The following ELAVL2 variants were observed in gnomAD, a reference collection of about 807,000 sequenced individuals.
ELAVL2 encodes ELAV-like protein 2.
Under a neutral mutation model 34.6 loss-of-function variants are expected in ELAVL2, and 4 were observed. The observed-to-expected ratio is 0.12, with a 90% confidence interval of 0.06 to 0.26. The LOEUF is 0.26. Among genes scored for constraint, ELAVL2 ranks in the 10% least tolerant of loss-of-function variants. The probability of loss-of-function intolerance (pLI) is 1.00; values close to 1 mark genes in which losing one functional copy is unlikely to be tolerated. For synonymous variants in ELAVL2, 193 were observed against 154.8 expected (o/e 1.25, Z -1.83); for missense variants, 432 against 442.8 (o/e 0.98, Z 0.22).
At chr9:23,754,495 C>A (rs749327272) in intron 2 of ELAVL2, among the ~76,000 whole-genome samples, 1 of 151,850 alleles carries the variant, frequency 6.6e-6, no homozygotes, top group Non-Finnish European at 1.5e-5. Flanking sequence ...CTCTGTCACA[C>A]AGGCTGAAAT....
At chr9:23,764,912 T>C in intron 1 of ELAVL2, 3 of 1,201,628 alleles carry the variant, frequency 2.5e-6, no homozygotes, top group South Asian at 1.3e-5. Flanking sequence ...ATAATTAGTA[T>C]GCCAAATGAA....
intron 1 of ELAVL2, among the ~76,000 whole-genome samples, chr9:23,813,538 T>C (rs1048507560): frequency 6.6e-6 from 1 of 152,030 alleles, no homozygotes; most frequent in African/African-American, 2.4e-5. Context: ...CCTATCAGTT[T>C]TTACAGCATC....
At chr9:23,802,565 G>C (rs1298037612) in intron 1 of ELAVL2, among the ~76,000 whole-genome samples, 1 of 152,178 alleles carries the variant, frequency 6.6e-6, no homozygotes, top group Non-Finnish European at 1.5e-5. Context: ...TTAAGACTCA[G>C]ATGGGCCTAG....
At position 23,702,954 on chromosome 9, in the gene ELAVL2, A is replaced by C. The variant is rs1457726299; in HGVS notation, c.488-1350T>G. ...CATTAGAAAAGCATCAGATTAGCAAAAAAAAAAAAAAAAAAAAAAAAAAAA... is the reference window on the plus strand; with the variant it reads ...CATTAGAAAAGCATCAGATTAGCAACAAAAAAAAAAAAAAAAAAAAAAAAA... On this transcript the variant is annotated intron_variant, in intron 4 of 6. Transcript: ENST00000397312. 5.2e-5 allele frequency among the ~76,000 whole-genome samples: 3 copies of C among 57,358 alleles called. No homozygotes were observed. The African/African-American group carries it at 5.8e-4, about 11-fold the overall frequency. The allele number at this position is 57,358 out of a possible 152,430, so 37.6% of individuals were successfully genotyped here.
At chr9:23,849,143 G>A in the ELAVL2 span, among the ~76,000 whole-genome samples, 2 of 152,096 alleles carry the variant, frequency 1.3e-5, no homozygotes, top group Non-Finnish European at 2.9e-5. Flanking sequence ...GGCAAAACCC[G>A]GAAGTCCATC....
chr9:23,739,795 A>T (rs2048724490), intron 2 of ELAVL2, among the ~76,000 whole-genome samples: 1 of 151,696 alleles, frequency 6.6e-6, no homozygotes. Flanking sequence ...GCACACACAC[A>T]CGCACACACC....
At chr9:23,790,701 A>T (rs376385711) in intron 1 of ELAVL2, among the ~76,000 whole-genome samples, 9 of 152,230 alleles carry the variant, frequency 5.9e-5, no homozygotes, top group African/African-American at 2.2e-4. Flanking sequence ...GGCATTAGCC[A>T]TTCATCCCAG....
chr9:23,753,538 T>C (rs2052692777), intron 2 of ELAVL2, among the ~76,000 whole-genome samples: 1 of 151,830 alleles, frequency 6.6e-6, no homozygotes, highest in African/African-American at 2.4e-5. Flanking sequence ...AAATGGGGGG[T>C]ATAAATCATT....
At chr9:23,695,813 T>G (rs954928681) in intron 5 of ELAVL2, among the ~76,000 whole-genome samples, 34 of 152,216 alleles carry the variant, frequency 2.2e-4, no homozygotes, top group Non-Finnish European at 4.4e-4. Context: ...TTTTGCAGTC[T>G]ACTATATTAT....
At chr9:23,761,285 G>C (rs547871820) in intron 2 of ELAVL2, among the ~76,000 whole-genome samples, 3 of 151,838 alleles carry the variant, frequency 2.0e-5, no homozygotes, top group Non-Finnish European at 4.4e-5. Context: ...TGTATTTTTA[G>C]TGTTTGAAAA....
chr9:23,779,976 C>T (rs895760224), intron 1 of ELAVL2, among the ~76,000 whole-genome samples: 1 of 72,532 alleles, frequency 1.4e-5, no homozygotes, highest in African/African-American at 5.6e-5. Flanking sequence ...TGATAGTGTT[C>T]CTTAAAAAAA....
intron 1 of ELAVL2, among the ~76,000 whole-genome samples, chr9:23,824,835 C>T (rs1476144613): frequency 2.6e-5 from 4 of 152,132 alleles, no homozygotes; most frequent in African/African-American, 7.2e-5. Flanking sequence ...AATAGCTATT[C>T]GAGGAAGTGG....
chr9:23,830,363 G>A (rs1316873866), upstream of ELAVL2: 1 of 152,078 alleles, frequency 6.6e-6, no homozygotes, highest in Non-Finnish European at 1.5e-5. Context: ...CAGTGAGCGG[G>A]ATCTCAAACA....
chr9:23,712,941 TC>T (rs2041367883), intron 3 of ELAVL2, among the ~76,000 whole-genome samples: 1 of 152,186 alleles, frequency 6.6e-6, no homozygotes, highest in Non-Finnish European at 1.5e-5. Context: ...AAGCAACTGA[TC>T]ATCAACTACA....
At chr9:23,799,383 AAGTG>A (rs1012818373) in intron 1 of ELAVL2, among the ~76,000 whole-genome samples, 4 of 152,156 alleles carry the variant, frequency 2.6e-5, no homozygotes, top group African/African-American at 9.7e-5. Context: ...AGGACCTGAA[AAGTG>A]AGTATTTTCC....
chr9:23,713,660 A>G (rs1337357935), intron 3 of ELAVL2, among the ~76,000 whole-genome samples: 3 of 152,174 alleles, frequency 2.0e-5, no homozygotes, highest in Non-Finnish European at 2.9e-5. Context: ...TTAGCCACAT[A>G]ATATTTATAA....
intron 1 of ELAVL2, among the ~76,000 whole-genome samples, chr9:23,815,688 G>A (rs1327328602): frequency 3.3e-5 from 5 of 152,078 alleles, no homozygotes; most frequent in Admixed American, 3.3e-4. Context: ...AAGGATATAA[G>A]TAATTAAACC....
Position 23,691,988 on chromosome 9 carries a change from A to C in ELAVL2, c.*569T>G, listed in dbSNP as rs1015509540. ...AAAGTTCTCCAGTATTCTTACAATA[A>C]GCGTTTATAATGTAGCCCCCCCTTC... On this transcript the variant is annotated 3_prime_UTR_variant, in exon 7 of 7. Coordinates refer to ENST00000397312, the MANE Select transcript of ELAVL2 (RefSeq NM_004432.5). 3 of 152,716 alleles carry C rather than the reference A, an allele frequency of 2.0e-5. No homozygotes were observed. The highest frequency in any genetic ancestry group is 4.4e-5 in the Non-Finnish European group (3 of 68,134). The allele number at this position is 152,716 out of a possible 1,614,324, so 9.5% of individuals were successfully genotyped here.
chr9:23,724,492 C>T (rs987949843), intron 3 of ELAVL2, among the ~76,000 whole-genome samples: 1 of 152,102 alleles, frequency 6.6e-6, no homozygotes, highest in Non-Finnish European at 1.5e-5. Flanking sequence ...ATTCCCTAGA[C>T]CACATTAGAT....
Sources: allele counts gnomAD v4.1 joint callset (sites outside exome capture counted in the v4.1 genomes callset), GRCh38; gene constraint gnomAD v4.1.1; transcripts MANE v1.5; gene names NCBI Gene and HGNC (gene_info 2026-07-23, HGNC 2026-07-21).